Variants in ZNF714 observed in about 807,000 individuals in gnomAD.
ZNF714 encodes the protein zinc finger protein 714.
In ZNF714, 32 loss-of-function variants were observed where a neutral mutation model predicts 46.2. The ratio of observed to expected loss-of-function variants is 0.69; its 90% CI spans 0.52 to 0.93. The LOEUF (loss-of-function observed/expected upper bound fraction) is 0.93, where lower values mean the gene tolerates loss of function less well. ZNF714 is among the 40% of genes least tolerant of loss of function. The pLI, the probability that ZNF714 is intolerant of heterozygous loss-of-function variation, is 0.00. For synonymous variants in ZNF714, 199 were observed against 213.1 expected, an observed-to-expected ratio of 0.93 and a Z score of 0.58; for missense variants, 635 against 646.3, an observed-to-expected ratio of 0.98 and a Z score of 0.19.
At chr19:21,101,353 A>G (rs373629715) in intron 4 of ZNF714, among the ~76,000 whole-genome samples, 2 of 152,164 alleles carry the variant, frequency 1.3e-5, no homozygotes, top group African/African-American at 2.4e-5. Context: ...TGGTCACAAG[A>G]CTGCTCAGTC....
intron 4 of ZNF714, among the ~76,000 whole-genome samples, chr19:21,107,245 C>CT (rs550751684): frequency 0.043 from 6,112 of 142,636 alleles, 387 homozygotes; most frequent in African/African-American, 0.14. Context: ...AGTTTTCTTT[C>CT]TTTTTTTTTT....
intron 1 of ZNF714, 136 bp downstream of exon 1, chr19:21,082,484 G>T: frequency 3.4e-6 from 3 of 882,828 alleles, no homozygotes; most frequent in South Asian, 1.4e-5. Flanking sequence ...TGCTCAGCTC[G>T]GCCTCAGTCC....
At position 21,123,546 on chromosome 19, in the gene ZNF714, G is replaced by A. The variant is rs1038639787; in HGVS notation, c.*5214G>A. On this transcript the variant is annotated 3_prime_UTR_variant, in exon 5 of 5. Transcript: ENST00000456283. ...ATTTTTTTGTATTTTTAGTAGAGAC[G>A]GGATTTCACCATGTTAGCCAGGATG... Among the ~76,000 whole-genome samples, 9 of 152,002 alleles carry A rather than the reference G, an allele frequency of 5.9e-5. No individual in the cohort carries two copies. The highest frequency in any genetic ancestry group is 2.2e-4 in the African/African-American group (9 of 41,478).
At chr19:21,089,323 T>C (rs979554387) in intron 2 of ZNF714, among the ~76,000 whole-genome samples, 38 of 152,186 alleles carry the variant, frequency 2.5e-4, no homozygotes, top group African/African-American at 6.8e-4. Flanking sequence ...CTTTTAACCA[T>C]AGTGCTCTTT....
intron 4 of ZNF714, chr19:21,109,544 A>G (rs1022716400): frequency 4.5e-6 from 1 of 224,408 alleles, no homozygotes; most frequent in African/African-American, 2.4e-5. Context: ...ATGACTGCTT[A>G]AAGATATAAA....
intron 4 of ZNF714, among the ~76,000 whole-genome samples, chr19:21,100,154 G>T (rs528380955): frequency 1.3e-5 from 2 of 151,668 alleles, no homozygotes; most frequent in Non-Finnish European, 2.9e-5. Context: ...ATGCCCAGCC[G>T]ACATAAAATA....
intron 4 of ZNF714, among the ~76,000 whole-genome samples, chr19:21,114,155 C>T (rs1185190434): frequency 2.0e-5 from 3 of 151,870 alleles, no homozygotes; most frequent in Non-Finnish European, 4.4e-5. Context: ...ACTGTGATTG[C>T]AGGCTGGGCT....
rs561262047 is a variant in ZNF714, at chr19:21,125,078, CA to C, written c.*6762del. 0.12 allele frequency: 10,352 copies of C among 89,056 alleles called. 392 individuals are homozygous for C. The highest frequency in any genetic ancestry group is 0.13 in the Non-Finnish European group (5,546 of 41,798). 5.5% of individuals were successfully genotyped at this position (89,056 alleles called of 1,614,324 possible). A position where few individuals can be genotyped will look rare whatever the true frequency, so the allele number is the denominator to read the frequency against. On this transcript the variant is annotated 3_prime_UTR_variant, in exon 5 of 5. Coordinates refer to ENST00000456283, the MANE Select transcript of ZNF714 (RefSeq NM_182515.4). Reference sequence around the variant, plus strand: ...TCAACATGGAAAATCCCCGTCTCTACAAAAAAAAAAAAAAAATCTCAGCTGG... The same window carrying C: ...TCAACATGGAAAATCCCCGTCTCTACAAAAAAAAAAAAAAATCTCAGCTGG...
rs73926925 is a variant in ZNF714, at chr19:21,124,543, A to G, written c.*6211A>G. ...AATGTGTGCTTTTTCTGTAGAACATATTTTGAAGTATATATACATTGTTAT... is the reference window on the plus strand; with the variant it reads ...AATGTGTGCTTTTTCTGTAGAACATGTTTTGAAGTATATATACATTGTTAT... On this transcript the variant is annotated 3_prime_UTR_variant, in exon 5 of 5. Transcript: ENST00000456283. 0.059 allele frequency among the ~76,000 whole-genome samples: 9,049 copies of G among 152,236 alleles called. 659 individuals are homozygous for G. Among genetic ancestry groups the G allele is most frequent in the African/African-American group, 0.18 (7,430 of 41,492 alleles).
rs1319213064 is a variant in ZNF714 at position 21,117,975 on chromosome 19, C to G, written c.1311C>G (p.Ser437=). The change falls in exon 5 of 5, where the codon TCC becomes TCG. Residue 437 remains serine, a synonymous_variant. Transcript: ENST00000456283. ...CEECGKAFNR[S]SNLTTHKRIH... ...AATGTGGCAAAGCTTTTAACCGATC[C>G]TCAAACCTTACTACACATAAGAGAA... is the stretch of plus-strand genomic sequence containing the variant. 2.5e-6 allele frequency: 4 copies of G among 1,612,454 alleles called. No homozygotes were observed. Among genetic ancestry groups the G allele is most frequent in the Non-Finnish European group, 2.5e-6 (3 of 1,179,700 alleles).
rs778123986 is a variant in ZNF714 at position 21,117,897 on chromosome 19, C to A, written c.1233C>A (p.Asn411Lys). 3 of 1,612,782 alleles carry A rather than the reference C, an allele frequency of 1.9e-6. No individual in the cohort carries two copies. Among genetic ancestry groups the A allele is most frequent in the Non-Finnish European group, 2.5e-6 (3 of 1,179,802 alleles). Residue 411 changes from asparagine (N) to lysine (K), a missense_variant, in exon 5 of 5, where the codon AAC becomes AAA. Transcript: ENST00000456283. ...GCAAAGCTTTTAACCAATCCTCAAA[C>A]CTTACCAAACATAAGATAATTCATA... ...ECGKAFNQSS[N>K]LTKHKIIHTG... is the part of the protein sequence containing the mutation.
intron 2 of ZNF714, among the ~76,000 whole-genome samples, chr19:21,097,505 A>G (rs1253603834): frequency 1.3e-5 from 2 of 152,094 alleles, no homozygotes; most frequent in African/African-American, 2.4e-5. Context: ...TTTTCTCTTT[A>G]TTGTTAAGTA....
chr19:21,094,578 G>A (rs1285667614), intron 2 of ZNF714, among the ~76,000 whole-genome samples: 2 of 152,204 alleles, frequency 1.3e-5, no homozygotes, highest in African/African-American at 4.8e-5. Context: ...CCAGGCTGGA[G>A]TACAGTGGTG....
chr19:21,087,073 T>C (rs999088132), intron 2 of ZNF714, among the ~76,000 whole-genome samples: 2 of 152,256 alleles, frequency 1.3e-5, no homozygotes, highest in South Asian at 4.1e-4. Flanking sequence ...TGAAAGTTTT[T>C]TCTGTATTCT....
chr19:21,104,870 C>A (rs562608800), intron 4 of ZNF714, among the ~76,000 whole-genome samples: 12 of 151,984 alleles, frequency 7.9e-5, no homozygotes, highest in Non-Finnish European at 1.3e-4. Flanking sequence ...CCTGACTCGG[C>A]CTCCCAAAGT....
intron 2 of ZNF714, among the ~76,000 whole-genome samples, chr19:21,086,316 T>G (rs1261685341): frequency 1.3e-5 from 2 of 151,956 alleles, no homozygotes; most frequent in Non-Finnish European, 2.9e-5. Context: ...TCAGGGTGAG[T>G]CCACACAGTA....
chr19:21,111,530 C>T (rs2067680975), intron 4 of ZNF714, among the ~76,000 whole-genome samples: 1 of 152,048 alleles, frequency 6.6e-6, no homozygotes, highest in South Asian at 2.1e-4. Flanking sequence ...CGTCTGCAAG[C>T]TTCTGCAGAC....
intron 4 of ZNF714, among the ~76,000 whole-genome samples, chr19:21,105,886 T>G (rs1052588146): frequency 6.6e-6 from 1 of 150,966 alleles, no homozygotes; most frequent in Non-Finnish European, 1.5e-5. Context: ...ACCCGGAAGG[T>G]GTAAGTTGCA....
chr19:21,109,376 C>A (rs1442023179), intron 4 of ZNF714, among the ~76,000 whole-genome samples: 5 of 151,946 alleles, frequency 3.3e-5, no homozygotes, highest in African/African-American at 1.2e-4. Context: ...CATCCCAAGC[C>A]CAGATAGTTT....
Sources: allele counts gnomAD v4.1 joint callset (sites outside exome capture counted in the v4.1 genomes callset), GRCh38; gene constraint gnomAD v4.1.1; transcripts MANE v1.5; gene names NCBI Gene and HGNC (gene_info 2026-07-23, HGNC 2026-07-21).